Variants in MIS18A observed in about 807,000 individuals in gnomAD.
MIS18A encodes the protein protein Mis18-alpha.
A neutral mutation model predicts 25.0 loss-of-function variants in MIS18A; 14 were observed. The observed-to-expected ratio is 0.56, with a 90% CI of 0.37 to 0.88. The LOEUF is 0.88. Ranked by LOEUF, MIS18A falls within the 40% of genes least tolerant of loss-of-function variation. The pLI is 0.00. For synonymous variants in MIS18A, 134 were observed against 118.6 expected (o/e 1.13, Z -0.84); for missense variants, 292 against 290.8 (o/e 1.00, Z -0.03).
the MIS18A span, among the ~76,000 whole-genome samples, chr21:32,244,450 G>A: frequency 6.6e-6 from 1 of 152,152 alleles, no homozygotes; most frequent in East Asian, 1.9e-4. Flanking sequence ...TACTAAATCA[G>A]TGGGGGCCAG....
At chr21:32,232,039 G>A in the MIS18A span, among the ~76,000 whole-genome samples, 1 of 152,266 alleles carries the variant, frequency 6.6e-6, no homozygotes, top group Non-Finnish European at 1.5e-5. Flanking sequence ...GTTCACTGCT[G>A]CATTATTCAC....
chr21:32,214,888 G>A, the MIS18A span, among the ~76,000 whole-genome samples: 72 of 152,304 alleles, frequency 4.7e-4, no homozygotes, highest in Non-Finnish European at 8.8e-4. Context: ...ACTGGGTCAG[G>A]GTGGGATTCC....
the MIS18A span, among the ~76,000 whole-genome samples, chr21:32,256,726 A>T: frequency 6.6e-6 from 1 of 152,158 alleles, no homozygotes; most frequent in African/African-American, 2.4e-5. Context: ...AGTGACAAAA[A>T]TGATCTCTTG....
chr21:32,231,649 A>G, the MIS18A span, among the ~76,000 whole-genome samples: 61 of 152,300 alleles, frequency 4.0e-4, no homozygotes, highest in African/African-American at 1.3e-3. Context: ...AGTGTTAAAC[A>G]TAAGAGTTAA....
At chr21:32,276,428 T>C (rs1158539635) in intron 1 of MIS18A, among the ~76,000 whole-genome samples, 1 of 114,980 alleles carries the variant, frequency 8.7e-6, no homozygotes, top group Non-Finnish European at 1.6e-5. Flanking sequence ...ACCACTGCAC[T>C]CCAGCCTGGG....
the MIS18A span, among the ~76,000 whole-genome samples, chr21:32,202,462 T>C: frequency 6.6e-6 from 1 of 152,144 alleles, no homozygotes; most frequent in African/African-American, 2.4e-5. Context: ...CTCTTGGAAA[T>C]TTCTGTAATC....
the MIS18A span, among the ~76,000 whole-genome samples, chr21:32,189,851 G>T: frequency 0.15 from 23,043 of 152,024 alleles, 1,853 homozygotes; most frequent in East Asian, 0.24. Context: ...TAGTTATCTG[G>T]GTGTATTTCT....
At chr21:32,183,745 T>A in the MIS18A span, among the ~76,000 whole-genome samples, 1 of 152,204 alleles carries the variant, frequency 6.6e-6, no homozygotes, top group African/African-American at 2.4e-5. Context: ...TCACTTCAAG[T>A]CTCAAAAACC....
chr21:32,268,405 A>G lies in MIS18A; in HGVS notation c.*632T>C, dbSNP rs886165032. 2 of 152,160 alleles carry G rather than the reference A, an allele frequency of 1.3e-5. No individual in the cohort carries two copies. Among genetic ancestry groups the G allele is most frequent in the Non-Finnish European group, 2.9e-5 (2 of 68,030 alleles). 9.4% of individuals were successfully genotyped at this position (152,160 alleles called of 1,614,324 possible). On this transcript the variant is annotated 3_prime_UTR_variant, in exon 5 of 5. Transcript: ENST00000290130. ...ATATAGTAGTACATAAGCAGGAAAA[A>G]GTAAAATCCTACTATATATAAGCAA...
At chr21:32,259,829 A>G in the MIS18A span, 2 of 152,244 alleles carry the variant, frequency 1.3e-5, no homozygotes, top group African/African-American at 4.8e-5. Context: ...AATCTTTAAT[A>G]CAAAGTATTT....
chr21:32,269,813 G>C lies in MIS18A; in HGVS notation c.525-10C>G. 1 of 1,515,052 alleles carries C rather than the reference G, an allele frequency of 6.6e-7. No individual in the cohort carries two copies. The highest frequency in any genetic ancestry group is 1.1e-5 in the South Asian group (1 of 88,882). 93.9% of individuals were successfully genotyped at this position (1,515,052 alleles called of 1,614,324 possible). On this transcript the variant is annotated splice_polypyrimidine_tract_variant and intron_variant, in intron 3 of 4. Coordinates refer to ENST00000290130, the MANE Select transcript of MIS18A (RefSeq NM_018944.3). ...GGACCCTAAAACATAACTGAAGTACGGTACAAGGTTAAAATACAAGCTGGG... is the reference window on the plus strand; with the variant it reads ...GGACCCTAAAACATAACTGAAGTACCGTACAAGGTTAAAATACAAGCTGGG...
the MIS18A span, among the ~76,000 whole-genome samples, chr21:32,160,446 GC>G: frequency 1.8e-4 from 28 of 152,118 alleles, no homozygotes; most frequent in East Asian, 5.4e-3. Context: ...TTGAGGATGG[GC>G]GCTTGTGACA....
chr21:32,167,774 A>G, the MIS18A span, among the ~76,000 whole-genome samples: 2 of 152,254 alleles, frequency 1.3e-5, no homozygotes, highest in Admixed American at 1.3e-4. Flanking sequence ...AAAGAAAATC[A>G]TACCTTCTCA....
chr21:32,254,088 G>A, the MIS18A span, among the ~76,000 whole-genome samples: 3 of 152,146 alleles, frequency 2.0e-5, no homozygotes, highest in South Asian at 6.2e-4. Context: ...TACAATAGCC[G>A]AGTGTGGTGG....
chr21:32,251,235 A>C, the MIS18A span, among the ~76,000 whole-genome samples: 1 of 152,176 alleles, frequency 6.6e-6, no homozygotes, highest in African/African-American at 2.4e-5. Flanking sequence ...TAACACAAAA[A>C]TCTCAGTGAT....
chr21:32,251,524 C>A, the MIS18A span, among the ~76,000 whole-genome samples: 1 of 152,190 alleles, frequency 6.6e-6, no homozygotes, highest in Non-Finnish European at 1.5e-5. Flanking sequence ...CCCAAGCACC[C>A]CATGCCAGCG....
the MIS18A span, among the ~76,000 whole-genome samples, chr21:32,250,974 A>C: frequency 5.9e-5 from 9 of 152,174 alleles, no homozygotes; most frequent in African/African-American, 2.2e-4. Context: ...TGCTATTCTC[A>C]TAATAGAGTG....
At chr21:32,178,672 G>A in the MIS18A span, among the ~76,000 whole-genome samples, 1 of 152,060 alleles carries the variant, frequency 6.6e-6, no homozygotes, top group African/African-American at 2.4e-5. Context: ...CTTGGTCTTT[G>A]ACTAAGTACA....
the MIS18A span, among the ~76,000 whole-genome samples, chr21:32,193,068 G>A: frequency 6.6e-6 from 1 of 152,196 alleles, no homozygotes; most frequent in Non-Finnish European, 1.5e-5. Flanking sequence ...AAGGTTCCAT[G>A]CCCAGAATCT....
Sources: gnomAD v4.1 joint callset for allele counts (sites outside exome capture counted in the v4.1 genomes callset) on GRCh38, gnomAD v4.1.1 for gene constraint, MANE v1.5 for transcripts, NCBI Gene and HGNC (gene_info 2026-07-23, HGNC 2026-07-21) for gene names.